RAB27A: variants seen among roughly 807,000 people sequenced by gnomAD.
The protein encoded by RAB27A is ras-related protein Rab-27A.
RAB27A carries 17 observed loss-of-function variants against 20.8 expected under a neutral mutation model. The observed-to-expected ratio is 0.82, with a 90% CI of 0.56 to 1.23. The LOEUF (loss-of-function observed/expected upper bound fraction) is 1.23. RAB27A is among the 50% of genes most tolerant of loss of function. The probability of loss-of-function intolerance (pLI) is 0.00; values close to 1 mark genes in which losing one functional copy is unlikely to be tolerated. For synonymous variants in RAB27A, 85 were observed against 92.8 expected, an observed-to-expected ratio of 0.92 and a Z score of 0.48; for missense variants, 277 against 266.7, an observed-to-expected ratio of 1.04 and a Z score of -0.27.
At chr15:55,232,967 T>C (rs1896092015) in intron 3 of RAB27A, among the ~76,000 whole-genome samples, 1 of 151,746 alleles carries the variant, frequency 6.6e-6, no homozygotes, top group Non-Finnish European at 1.5e-5. Context: ...CTACTAAAAA[T>C]ATAAACAATT....
At chr15:55,272,523 A>T (rs1897740291) in intron 1 of RAB27A, among the ~76,000 whole-genome samples, 3 of 152,246 alleles carry the variant, frequency 2.0e-5, no homozygotes, top group Admixed American at 6.5e-5. Flanking sequence ...TAATTTGAAT[A>T]GCAAGTAAAA....
intron 6 of RAB27A, among the ~76,000 whole-genome samples, chr15:55,206,516 A>AT (rs765836226): frequency 3.3e-5 from 5 of 151,818 alleles, no homozygotes; most frequent in African/African-American, 9.7e-5. Context: ...TAATTATTGT[A>AT]TTTTTTTGTA....
chr15:55,258,626 T>C (rs911110844), intron 2 of RAB27A, among the ~76,000 whole-genome samples: 1 of 152,234 alleles, frequency 6.6e-6, no homozygotes, highest in Non-Finnish European at 1.5e-5. Context: ...TGCTGTCCAA[T>C]ATAGTTGTTT....
intron 6 of RAB27A, among the ~76,000 whole-genome samples, chr15:55,207,549 T>C (rs951370423): frequency 2.0e-5 from 3 of 152,220 alleles, no homozygotes; most frequent in African/African-American, 4.8e-5. Context: ...CACTATCCAA[T>C]AGAACTTCCC....
At chr15:55,228,840 G>A (rs1209059495) in intron 4 of RAB27A, 128 bp from the exon 5 acceptor site, 1 of 724,070 alleles carries the variant, frequency 1.4e-6, no homozygotes, top group Non-Finnish European at 2.5e-6. Context: ...TATTTCAAAA[G>A]TATATAGGAT....
In RAB27A at chr15:55,239,475, T is replaced by A. The variant is rs1896394805; in HGVS notation, c.-22-4519A>T. On this transcript the variant is annotated intron_variant, in intron 2 of 6. Transcript: ENST00000336787. ...ATCCAAAAATTTATCTCCACCATTA[T>A]ATACTGTATAATCACACTCGAACAG... 2.6e-5 allele frequency among the ~76,000 whole-genome samples: 4 copies of A among 152,320 alleles called. No individual in the cohort carries two copies. The South Asian group carries it at 8.3e-4, about 32-fold the overall frequency.
chr15:55,314,665 C>A (rs8039771), intron 1 of RAB27A, among the ~76,000 whole-genome samples: 1 of 151,996 alleles, frequency 6.6e-6, no homozygotes, highest in Non-Finnish European at 1.5e-5. Flanking sequence ...CTATTCACAA[C>A]TGCTACAAAC....
intron 2 of RAB27A, among the ~76,000 whole-genome samples, chr15:55,246,059 T>C (rs1896673364): frequency 6.6e-6 from 1 of 151,732 alleles, no homozygotes; most frequent in African/African-American, 2.4e-5. Context: ...GGCGACAGAG[T>C]GAGACTTCGT....
exon 2 of RAB27A, chr15:55,314,129 A>G (rs2055033141): frequency 6.8e-6 from 1 of 146,162 alleles, no homozygotes; most frequent in African/African-American, 2.6e-5. Flanking sequence ...ACGCCATTGC[A>G]CTCCAGCCTG....
intron 3 of RAB27A, among the ~76,000 whole-genome samples, chr15:55,234,327 C>A (rs1420438991): frequency 6.6e-6 from 1 of 152,178 alleles, no homozygotes; most frequent in Non-Finnish European, 1.5e-5. Flanking sequence ...TCCAACCTCA[C>A]CCTCCTGGCA....
chr15:55,241,642 G>C (rs1164049740), intron 2 of RAB27A, among the ~76,000 whole-genome samples: 1 of 124,922 alleles, frequency 8.0e-6, no homozygotes, highest in Non-Finnish European at 1.6e-5. Context: ...ATATATATTT[G>C]TTTTTTTTTT....
chr15:55,317,951 G>A (rs1384107119), intron 1 of RAB27A: 1 of 378,456 alleles, frequency 2.6e-6, no homozygotes, highest in East Asian at 3.7e-5. Context: ...GCACTGGAGT[G>A]AACAATATTT....
At chr15:55,265,139 G>A (rs1234511528) in intron 2 of RAB27A, among the ~76,000 whole-genome samples, 2 of 152,200 alleles carry the variant, frequency 1.3e-5, no homozygotes, top group Non-Finnish European at 1.5e-5. Context: ...CTACTTGGGA[G>A]GCTGAGGCAG....
rs142025545 is a variant in RAB27A, at chr15:55,279,956, T to C, written c.-142-9672A>G. ...TGCATCAGAGTCACCTAGATGGTTT[T>C]AAAACACAGACTCTAGGCCCCACCA... On this transcript the variant is annotated intron_variant, in intron 1 of 6. Coordinates refer to ENST00000336787, the MANE Select transcript of RAB27A (RefSeq NM_183235.3). 5.5e-3 allele frequency among the ~76,000 whole-genome samples: 844 copies of C among 152,276 alleles called. 9 individuals carry two copies. The highest frequency in any genetic ancestry group is 0.02 in the African/African-American group (813 of 41,558).
At chr15:55,298,148 T>G (rs1361799095) in intron 2 of RAB27A, among the ~76,000 whole-genome samples, 1 of 147,272 alleles carries the variant, frequency 6.8e-6, no homozygotes, top group Non-Finnish European at 1.5e-5. Flanking sequence ...GAGCTTGCTG[T>G]CAGCCAAGAT....
intron 2 of RAB27A, among the ~76,000 whole-genome samples, chr15:55,250,120 G>A (rs1352723772): frequency 1.3e-5 from 2 of 151,830 alleles, no homozygotes; most frequent in African/African-American, 4.8e-5. Context: ...GCGCAACCAC[G>A]CCCAGCTAAT....
chr15:55,260,644 G>A (rs1383792676), intron 2 of RAB27A, among the ~76,000 whole-genome samples: 4 of 152,168 alleles, frequency 2.6e-5, no homozygotes, highest in Non-Finnish European at 4.4e-5. Flanking sequence ...AAAAAACATG[G>A]AAGAACCTTA....
At chr15:55,252,426 C>T (rs1896923341) in intron 2 of RAB27A, among the ~76,000 whole-genome samples, 1 of 151,900 alleles carries the variant, frequency 6.6e-6, no homozygotes, top group Non-Finnish European at 1.5e-5. Flanking sequence ...CATGGGGAAA[C>T]CCCATCTCTA....
chr15:55,225,566 G>T (rs909528855), intron 5 of RAB27A, among the ~76,000 whole-genome samples: 4 of 152,100 alleles, frequency 2.6e-5, no homozygotes, highest in Admixed American at 6.6e-5. Flanking sequence ...AAGTCCTCCA[G>T]GTGACTGAGA....
Sources: gnomAD v4.1 joint callset for allele counts (sites outside exome capture counted in the v4.1 genomes callset) on GRCh38, gnomAD v4.1.1 for gene constraint, MANE v1.5 for transcripts, NCBI Gene and HGNC (gene_info 2026-07-23, HGNC 2026-07-21) for gene names.